AFG3L2: variants seen among roughly 807,000 people sequenced by gnomAD.
The protein encoded by AFG3L2 is mitochondrial inner membrane m-AAA protease component AFG3L2.
Under a neutral mutation model 94.5 loss-of-function variants are expected in AFG3L2, and 54 were observed. The observed-to-expected ratio is 0.57, with a 90% confidence interval of 0.46 to 0.72. The LOEUF is 0.72. AFG3L2 is among the 30% of genes least tolerant of loss of function. The pLI, the probability that AFG3L2 is intolerant of heterozygous loss-of-function variation, is 0.00. For missense variants in AFG3L2, 754 were observed against 994.9 expected (o/e 0.76, Z 3.26); for synonymous variants, 377 against 365.5 (o/e 1.03, Z -0.36).
At chr18:12,374,090 A>G (rs1909070624) in intron 1 of AFG3L2, among the ~76,000 whole-genome samples, 1 of 152,178 alleles carries the variant, frequency 6.6e-6, no homozygotes, top group African/African-American at 2.4e-5. Flanking sequence ...TTTAGGCTCT[A>G]TTTTCAAATT....
intron 6 of AFG3L2, among the ~76,000 whole-genome samples, chr18:12,362,956 A>G (rs550819432): frequency 4.5e-4 from 68 of 152,210 alleles, no homozygotes; most frequent in Non-Finnish European, 7.6e-4. Flanking sequence ...AGGATAAAGC[A>G]CGGTTATTAA....
chr18:12,368,133 C>T (rs973541103), intron 3 of AFG3L2, among the ~76,000 whole-genome samples: 1 of 151,794 alleles, frequency 6.6e-6, no homozygotes, highest in East Asian at 1.9e-4. Flanking sequence ...CGCCATTGCA[C>T]TCCAGCCTGG....
rs1909108918 is a variant in AFG3L2 at position 12,375,184 on chromosome 18, TAA to T, written c.114+1783_114+1784del. Among the ~76,000 whole-genome samples the T allele has an allele frequency of 1.3e-5, 2 of 151,380 alleles. 1 individual carries two copies. The highest frequency in any genetic ancestry group is 4.1e-4 in the South Asian group (2 of 4,824). ...CGTGACCATGGCGAAGAAATTGATT[TAA>T]GACTGGCAAGGGAGCCTCAAGGAGT... is the stretch of plus-strand genomic sequence containing the variant. On this transcript the variant is annotated intron_variant, in intron 1 of 16. Coordinates refer to ENST00000269143, the MANE Select transcript of AFG3L2 (RefSeq NM_006796.3).
intron 1 of AFG3L2, among the ~76,000 whole-genome samples, chr18:12,374,373 A>AG (rs1395003887): frequency 5.3e-5 from 8 of 152,350 alleles, no homozygotes; most frequent in Admixed American, 4.6e-4. Flanking sequence ...ATCACACCTG[A>AG]GAACTCATCT....
intron 6 of AFG3L2, among the ~76,000 whole-genome samples, chr18:12,362,856 G>GGT (rs1261590936): frequency 1.4e-5 from 2 of 146,116 alleles, no homozygotes; most frequent in South Asian, 2.1e-4. Context: ...CAGAGGGATG[G>GGT]GTGTGTGTGT....
intron 6 of AFG3L2, among the ~76,000 whole-genome samples, chr18:12,362,665 A>G (rs1908695680): frequency 6.6e-6 from 1 of 152,216 alleles, no homozygotes; most frequent in Admixed American, 6.5e-5. Flanking sequence ...ACTGCCCCCA[A>G]GGACAACTGC....
chr18:12,329,497 G>T lies in AFG3L2; in HGVS notation c.*68C>A. ...GCGCAGCATTCCCATTCTTCTGAAA[G>T]CCACAGCTGAAATAATGCACCAGCT... is the stretch of plus-strand genomic sequence containing the variant. On this transcript the variant is annotated 3_prime_UTR_variant, in exon 17 of 17. Coordinates refer to ENST00000269143, the MANE Select transcript of AFG3L2 (RefSeq NM_006796.3). The T allele has an allele frequency of 6.7e-7, 1 of 1,498,958 alleles. No individual in the cohort carries two copies. The highest frequency in any genetic ancestry group is 9.3e-7 in the Non-Finnish European group (1 of 1,076,834). 92.9% of individuals were successfully genotyped at this position (1,498,958 alleles called of 1,614,324 possible). A position where few individuals can be genotyped will look rare whatever the true frequency, so the allele number is the denominator to read the frequency against.
In AFG3L2 at chr18:12,352,546, G is replaced by C. The variant is rs114008753; in HGVS notation, c.1318+459C>G. Among the ~76,000 whole-genome samples, 776 of 152,294 alleles carry C rather than the reference G, an allele frequency of 5.1e-3. 8 individuals are homozygous for C. Among genetic ancestry groups the C allele is most frequent in the African/African-American group, 0.017 (711 of 41,562 alleles). ...CTAAATTCACACTTGGTTAGGCTTA[G>C]ATTTTCCTTATGCTTCAGAGATGGT... On this transcript the variant is annotated intron_variant, in intron 10 of 16. Coordinates refer to ENST00000269143, the MANE Select transcript of AFG3L2 (RefSeq NM_006796.3).
At position 12,376,814 on chromosome 18, in the gene AFG3L2, C is replaced by T. The variant is rs551387100; in HGVS notation, c.114+155G>A. Among the ~76,000 whole-genome samples the T allele has an allele frequency of 5.9e-5, 9 of 152,348 alleles. No individual in the cohort carries two copies. In the South Asian group the frequency reaches 8.3e-4, roughly 14 times the overall value. On this transcript the variant is annotated intron_variant, in intron 1 of 16. Transcript: ENST00000269143. ...TGAGCGCGAATCGGCGCTCCCGGGG[C>T]CGGCTGAGAGACAGCGCAGGGCGCC...
chr18:12,370,763 A>C, intron 3 of AFG3L2, 86 bp downstream of exon 3: 2 of 936,512 alleles, frequency 2.1e-6, no homozygotes, highest in Non-Finnish European at 3.4e-6. Context: ...CCGGCCTGAT[A>C]ACTCTTTTCT....
At chr18:12,349,347 T>C (rs1230691735) in intron 12 of AFG3L2, among the ~76,000 whole-genome samples, 3 of 152,172 alleles carry the variant, frequency 2.0e-5, no homozygotes, top group Non-Finnish European at 4.4e-5. Flanking sequence ...TAAAACAACC[T>C]GGCAGTTCCT....
intron 5 of AFG3L2, among the ~76,000 whole-genome samples, chr18:12,364,466 T>C (rs1908749500): frequency 6.6e-6 from 1 of 152,214 alleles, no homozygotes; most frequent in African/African-American, 2.4e-5. Context: ...CCTTTGACTT[T>C]ACTAGATATT....
At chr18:12,372,384 C>T (rs971964969) in intron 1 of AFG3L2, among the ~76,000 whole-genome samples, 7 of 152,132 alleles carry the variant, frequency 4.6e-5, no homozygotes, top group Non-Finnish European at 8.8e-5. Context: ...ATCAAAAAGA[C>T]AGACAAGTAT....
chr18:12,350,350 G>T (rs995677838), intron 12 of AFG3L2, among the ~76,000 whole-genome samples: 1 of 152,086 alleles, frequency 6.6e-6, no homozygotes, highest in Admixed American at 6.6e-5. Context: ...GTACAACCCT[G>T]TAAATATACT....
chr18:12,330,553 G>A (rs1203092578), intron 16 of AFG3L2, among the ~76,000 whole-genome samples: 2 of 152,092 alleles, frequency 1.3e-5, no homozygotes, highest in East Asian at 1.9e-4. Context: ...CGAGGTGGGC[G>A]GATCACCTGA....
At chr18:12,356,610 A>C in intron 9 of AFG3L2, 84 bp downstream of exon 9, 2 of 1,589,368 alleles carry the variant, frequency 1.3e-6, no homozygotes, top group South Asian at 2.2e-5. Context: ...TCTAGGGGGA[A>C]GGGCCATCTC....
intron 6 of AFG3L2, among the ~76,000 whole-genome samples, chr18:12,363,098 G>C (rs990304129): frequency 6.6e-6 from 1 of 152,218 alleles, no homozygotes; most frequent in African/African-American, 2.4e-5. Context: ...ATTAAACAGA[G>C]AGATATGGTC....
Position 12,376,977 on chromosome 18 carries a change from G to C in AFG3L2, c.106C>G (p.Leu36Val), listed in dbSNP as rs1193697315. The change falls in exon 1 of 17, where the codon CTC becomes GTC. Residue 36 changes from leucine to valine, a missense_variant. Physicochemically the swap from Leu to Val is conservative, Grantham distance 32. Coordinates refer to ENST00000269143, the MANE Select transcript of AFG3L2 (RefSeq NM_006796.3). The stretch of plus-strand genomic sequence containing the variant: ...GCCCAGGTAGGACTCACCGTCCGGA[G>C]GCAGGGCTGCTCGCCCGGGCCCACG... ...GGVGPGEQPC[L>V]RTLYRFVTTQ... The C allele has an allele frequency of 1.4e-6, 2 of 1,460,646 alleles. No individual in the cohort carries two copies. The highest frequency in any genetic ancestry group is 1.8e-6 in the Non-Finnish European group (2 of 1,110,822). The allele number at this position is 1,460,646 out of a possible 1,614,324, so 90.5% of individuals were successfully genotyped here. A position where few individuals can be genotyped will look rare whatever the true frequency, so the allele number is the denominator to read the frequency against.
chr18:12,360,148 C>A (rs1325921973), intron 6 of AFG3L2, 97 bp from the exon 7 acceptor site: 5 of 1,143,970 alleles, frequency 4.4e-6, no homozygotes, highest in African/African-American at 1.6e-5. Flanking sequence ...TCCAGAAATA[C>A]TGAAAATTTA....
Sources: gnomAD v4.1 joint callset for allele counts (sites outside exome capture counted in the v4.1 genomes callset) on GRCh38, gnomAD v4.1.1 for gene constraint, MANE v1.5 for transcripts, NCBI Gene and HGNC (gene_info 2026-07-23, HGNC 2026-07-21) for gene names.